The following DCC variants were observed in gnomAD, a reference collection of about 807,000 sequenced individuals.
DCC encodes the protein netrin receptor DCC.
DCC carries 58 observed loss-of-function variants against 172.5 expected under a neutral mutation model. That is an observed-to-expected ratio of 0.34 (90% CI 0.27 to 0.42). The LOEUF is 0.42. DCC is among the 10% of genes least tolerant of loss of function. The probability of loss-of-function intolerance (pLI) is 1.00; values close to 1 mark genes in which losing one functional copy is unlikely to be tolerated. For missense variants in DCC, 1,740 were observed against 1,791.0 expected (o/e 0.97, Z 0.51); for synonymous variants, 709 against 644.5 (o/e 1.10, Z -1.52).
intron 5 of DCC, among the ~76,000 whole-genome samples, chr18:52,938,422 A>G (rs567798910): frequency 1.6e-4 from 25 of 152,254 alleles, no homozygotes; most frequent in African/African-American, 6.0e-4. Flanking sequence ...GGTTTGAACC[A>G]GGGTCTGGAA....
In DCC at chr18:52,664,470, C is replaced by CTTTTTTTTTTTTTTTTTTTT. The variant is rs74178680; in HGVS notation, c.92-87579_92-87578insTTTTTTTTTTTTTTTTTTTT. Among the ~76,000 whole-genome samples the CTTTTTTTTTTTTTTTTTTTT allele has an allele frequency of 2.8e-4, 28 of 99,802 alleles. 2 individuals are homozygous for CTTTTTTTTTTTTTTTTTTTT. Among genetic ancestry groups the CTTTTTTTTTTTTTTTTTTTT allele is most frequent in the Non-Finnish European group, 3.4e-4 (18 of 52,342 alleles). 65.5% of individuals were successfully genotyped at this position (99,802 alleles called of 152,430 possible). A position where few individuals can be genotyped will look rare whatever the true frequency, so the allele number is the denominator to read the frequency against. On this transcript the variant is annotated intron_variant, in intron 1 of 28. Transcript: ENST00000442544. ...CAAATATCTTTTTTCTTTTCTTTTT[C>CTTTTTTTTTTTTTTTTTTTT]TTTTTCTTTTTTTTTTTTTTTTGAG...
chr18:53,498,018 C>G (rs1311725503), intron 26 of DCC, among the ~76,000 whole-genome samples: 3 of 152,210 alleles, frequency 2.0e-5, no homozygotes, highest in African/African-American at 7.2e-5. Flanking sequence ...ATCTATCTTT[C>G]TACCTTCATC....
chr18:53,322,482 A>G (rs1409887904), intron 14 of DCC, among the ~76,000 whole-genome samples: 3 of 152,160 alleles, frequency 2.0e-5, no homozygotes, highest in Non-Finnish European at 4.4e-5. Flanking sequence ...TTCGTTCACA[A>G]GAATTAGTGT....
chr18:53,257,548 C>T (rs1598954362), intron 12 of DCC, among the ~76,000 whole-genome samples: 1 of 152,264 alleles, frequency 6.6e-6, no homozygotes, highest in East Asian at 1.9e-4. Flanking sequence ...AGCCTTGCAT[C>T]CCAGGGATGA....
chr18:53,510,648 T>TTTG (rs2144528446), intron 27 of DCC, among the ~76,000 whole-genome samples: 1 of 152,346 alleles, frequency 6.6e-6, no homozygotes, highest in Admixed American at 6.5e-5. Flanking sequence ...ACTATGTTTG[T>TTTG]TTGTTATTCT....
At position 52,626,951 on chromosome 18, in the gene DCC, G is replaced by A. The variant is rs1271692872; in HGVS notation, c.92-125103G>A. On this transcript the variant is annotated intron_variant, in intron 1 of 28. Transcript: ENST00000442544. ...TCCTTGGTATCATGGAATCTCCAGGGATACTAAGGGACAGTTGTACTAGCC... is the reference window on the plus strand; with the variant it reads ...TCCTTGGTATCATGGAATCTCCAGGAATACTAAGGGACAGTTGTACTAGCC... Among the ~76,000 whole-genome samples, 4 of 152,112 alleles carry A rather than the reference G, an allele frequency of 2.6e-5. No individual in the cohort carries two copies. In the East Asian group the frequency reaches 7.7e-4, roughly 29 times the overall value.
At chr18:53,244,234 A>G (rs1053541868) in intron 12 of DCC, among the ~76,000 whole-genome samples, 1 of 152,244 alleles carries the variant, frequency 6.6e-6, no homozygotes, top group Non-Finnish European at 1.5e-5. Context: ...ATTTCCCTTT[A>G]AAATAGGGAT....
intron 2 of DCC, among the ~76,000 whole-genome samples, chr18:52,871,458 C>T (rs1288955055): frequency 2.6e-5 from 4 of 151,982 alleles, no homozygotes; most frequent in Non-Finnish European, 5.9e-5. Flanking sequence ...CCTAGGCTAC[C>T]CCTCTTTTTT....
At chr18:52,647,856 G>A (rs188814564) in intron 1 of DCC, among the ~76,000 whole-genome samples, 41 of 152,310 alleles carry the variant, frequency 2.7e-4, no homozygotes, top group African/African-American at 6.7e-4. Flanking sequence ...AATCTGGGGA[G>A]TAGAGTGTGT....
chr18:52,417,447 G>C (rs144703063), intron 1 of DCC, among the ~76,000 whole-genome samples: 2,734 of 152,130 alleles, frequency 0.018, 34 homozygotes, highest in South Asian at 0.032. Context: ...AGTTCTCCTG[G>C]ATAATATCCT....
chr18:53,477,900 C>A (rs1125627), intron 25 of DCC, among the ~76,000 whole-genome samples: 6 of 151,964 alleles, frequency 3.9e-5, no homozygotes, highest in African/African-American at 1.5e-4. Flanking sequence ...GCCTAGTTAC[C>A]CTTACCATAA....
At chr18:53,323,266 G>A (rs2057432169) in intron 14 of DCC, among the ~76,000 whole-genome samples, 1 of 151,030 alleles carries the variant, frequency 6.6e-6, no homozygotes, top group South Asian at 2.1e-4. Context: ...TTTCTCCTTT[G>A]TCTTCCTCTT....
intron 27 of DCC, among the ~76,000 whole-genome samples, chr18:53,509,108 A>G (rs939993475): frequency 3.9e-5 from 6 of 152,212 alleles, no homozygotes; most frequent in Admixed American, 3.9e-4. Flanking sequence ...TCCCAGCTCT[A>G]ACTTCCAGTT....
At chr18:52,521,281 G>A (rs9953197) in intron 1 of DCC, among the ~76,000 whole-genome samples, 67,293 of 151,952 alleles carry the variant, frequency 0.44, 14,988 homozygotes, top group East Asian at 0.57. Flanking sequence ...GGGTCAAATA[G>A]ATTCATTTGA....
chr18:52,506,402 G>C (rs2031232604), intron 1 of DCC, among the ~76,000 whole-genome samples: 2 of 151,990 alleles, frequency 1.3e-5, no homozygotes, highest in Admixed American at 6.6e-5. Context: ...TGATATAATA[G>C]GGTTTAGCTG....
intron 12 of DCC, among the ~76,000 whole-genome samples, chr18:53,300,606 G>C (rs777172448): frequency 1.3e-5 from 2 of 152,060 alleles, no homozygotes; most frequent in African/African-American, 4.8e-5. Flanking sequence ...CATAAAACAA[G>C]GTTGGGTACC....
chr18:53,046,494 G>T (rs1416898221), intron 5 of DCC, among the ~76,000 whole-genome samples: 1 of 149,992 alleles, frequency 6.7e-6, no homozygotes, highest in Non-Finnish European at 1.5e-5. Context: ...AAAAAAGCCT[G>T]CAGATAATTT....
intron 1 of DCC, among the ~76,000 whole-genome samples, chr18:52,722,265 C>A (rs1210878847): frequency 6.6e-6 from 1 of 152,090 alleles, no homozygotes; most frequent in Non-Finnish European, 1.5e-5. Flanking sequence ...CTCTAAGGAA[C>A]ATGCTTATAT....
At chr18:53,036,424 T>A (rs977989942) in intron 5 of DCC, among the ~76,000 whole-genome samples, 1 of 151,998 alleles carries the variant, frequency 6.6e-6, no homozygotes, top group Non-Finnish European at 1.5e-5. Context: ...GAATACAAAA[T>A]TCAAATACCT....
Sources: gnomAD v4.1 joint callset for allele counts (sites outside exome capture counted in the v4.1 genomes callset) on GRCh38, gnomAD v4.1.1 for gene constraint, MANE v1.5 for transcripts, NCBI Gene and HGNC (gene_info 2026-07-23, HGNC 2026-07-21) for gene names.